Variants in ZHX3 observed in about 807,000 individuals in gnomAD.
ZHX3 encodes the protein zinc fingers and homeoboxes protein 3.
ZHX3 carries 20 observed loss-of-function variants against 64.5 expected under a neutral mutation model. The ratio of observed to expected loss-of-function variants is 0.31; its 90% CI spans 0.22 to 0.45. The LOEUF is 0.45. Among genes scored for constraint, ZHX3 ranks in the 20% least tolerant of loss-of-function variants. ZHX3 has a pLI of 1.00. For synonymous variants in ZHX3, 423 were observed against 461.6 expected (o/e 0.92, Z 1.07); for missense variants, 1,041 against 1,195.8 (o/e 0.87, Z 1.91).
chr20:41,190,152 A>T (rs769328872), intron 3 of ZHX3, among the ~76,000 whole-genome samples: 1 of 152,070 alleles, frequency 6.6e-6, no homozygotes, highest in Non-Finnish European at 1.5e-5. Flanking sequence ...TTGCATTATA[A>T]TTTTTTGAGA....
In ZHX3 at chr20:41,203,888, A is replaced by G. The variant is rs1436129626; in HGVS notation, c.1029T>C (p.Tyr343=). ...ELCYLTVVTK[Y]PEEQLKIWFT... is the part of the protein sequence containing the mutation. The stretch of plus-strand genomic sequence containing the variant: ...ACCAGATCTTGAGCTGTTCTTCTGG[A>G]TACTTGGTCACCACAGTCAAATAGC... The change falls in exon 3 of 4, where the codon TAT becomes TAC. Residue 343 remains tyrosine (Y), a synonymous_variant. Coordinates refer to ENST00000683867, the MANE Select transcript of ZHX3 (RefSeq NM_001384317.1). This position sits in a 1 kb window ranked among gnomAD's most constrained non-coding sequence, Gnocchi z 7.1. The G allele has an allele frequency of 6.2e-7, 1 of 1,614,194 alleles. No individual in the cohort carries two copies. The highest frequency in any genetic ancestry group is 2.2e-5 in the East Asian group (1 of 44,890).
intron 2 of ZHX3, among the ~76,000 whole-genome samples, chr20:41,211,411 G>A (rs993705324): frequency 1.3e-5 from 2 of 151,994 alleles, no homozygotes; most frequent in African/African-American, 4.8e-5. Context: ...GAAGGTGAGG[G>A]TAAACATAAA....
intron 1 of ZHX3, among the ~76,000 whole-genome samples, chr20:41,275,116 C>A (rs2043317736): frequency 6.6e-6 from 1 of 152,058 alleles, no homozygotes. Flanking sequence ...TCAGATTGTG[C>A]CATTGCACTC....
chr20:41,243,129 G>A (rs1441892767), intron 2 of ZHX3, among the ~76,000 whole-genome samples: 1 of 152,178 alleles, frequency 6.6e-6, no homozygotes, highest in Non-Finnish European at 1.5e-5. Context: ...AAGAGAGGGA[G>A]AAATACTTCC....
At chr20:41,243,981 G>A (rs565002256) in intron 2 of ZHX3, among the ~76,000 whole-genome samples, 2 of 152,094 alleles carry the variant, frequency 1.3e-5, no homozygotes, top group African/African-American at 2.4e-5. Context: ...TAAGGGATTC[G>A]TGGACCACCT....
At chr20:41,188,782 G>A (rs572189145) in intron 3 of ZHX3, among the ~76,000 whole-genome samples, 5 of 152,136 alleles carry the variant, frequency 3.3e-5, no homozygotes, top group East Asian at 3.9e-4. Context: ...GAATAGTTTT[G>A]CAAATATTTT....
chr20:41,230,388 C>T (rs568614534), intron 2 of ZHX3, among the ~76,000 whole-genome samples: 120 of 152,020 alleles, frequency 7.9e-4, no homozygotes, highest in Non-Finnish European at 9.7e-4. Flanking sequence ...CATTATAGTA[C>T]TTAGGGAGCA....
At position 41,204,097 on chromosome 20, in the gene ZHX3, G is replaced by A. The variant is rs773925985; in HGVS notation, c.820C>T (p.Leu274Phe). Residue 274 changes from leucine (L) to phenylalanine (F), a missense_variant, in exon 3 of 4, where the codon CTC (leucine) becomes TTC (phenylalanine). Leu to Phe is a conservative substitution (Grantham distance 22). Around this residue, in one of 4 missense-constraint regions of ZHX3, gnomAD observed 358 missense variants for 369.1 expected, o/e 0.97. Transcript: ENST00000683867. This position sits in a 1 kb window ranked among gnomAD's most constrained non-coding sequence, Gnocchi z 6.6. Reference sequence around the variant, plus strand: ...GCATGCACTGGGGGCTGCTGCTGGAGGGAGAGGAACTGTGCTATGCCAGCT... The same window carrying A: ...GCATGCACTGGGGGCTGCTGCTGGAAGGAGAGGAACTGTGCTATGCCAGCT... ...LPAGIAQFLS[L>F]QQQPPVHAQH... 1.2e-6 allele frequency: 2 copies of A among 1,608,218 alleles called. No individual in the cohort carries two copies. The highest frequency in any genetic ancestry group is 1.7e-5 in the Admixed American group (1 of 59,732).
chr20:41,256,936 C>T (rs904995860), intron 2 of ZHX3, among the ~76,000 whole-genome samples: 2 of 152,048 alleles, frequency 1.3e-5, no homozygotes, highest in African/African-American at 4.8e-5. Flanking sequence ...TCAGCCCCCT[C>T]CCACCTTTTG....
At chr20:41,297,335 A>T (rs893961724) in intron 1 of ZHX3, among the ~76,000 whole-genome samples, 2 of 152,202 alleles carry the variant, frequency 1.3e-5, no homozygotes, top group East Asian at 1.9e-4. Flanking sequence ...GAATAACATC[A>T]GCTTCTAAAC....
At position 41,200,086 on chromosome 20, in the gene ZHX3, G is replaced by A. The variant is rs1010212387; in HGVS notation, c.2860+1971C>T. On this transcript the variant is annotated intron_variant, in intron 3 of 3. Transcript: ENST00000683867. The surrounding 1 kb of genome is among the most constrained non-coding windows in gnomAD (Gnocchi z 4.2). ...CCAGGAACATTTTCCACAGTTGCCT[G>A]CTGCAGAGCTTGCGGATGCTGAAAC... is the stretch of plus-strand genomic sequence containing the variant. 6.7e-6 allele frequency among the ~76,000 whole-genome samples: 1 copy of A among 150,200 alleles called. No homozygotes were observed. The highest frequency in any genetic ancestry group is 2.5e-5 in the African/African-American group (1 of 40,162).
At chr20:41,291,416 G>T (rs1160683899) in intron 1 of ZHX3, among the ~76,000 whole-genome samples, 1 of 152,174 alleles carries the variant, frequency 6.6e-6, no homozygotes, top group African/African-American at 2.4e-5. Flanking sequence ...GTTAGTACAG[G>T]ATTGGAAAGG....
At chr20:41,270,019 T>C (rs912808846) in intron 1 of ZHX3, among the ~76,000 whole-genome samples, 2 of 152,188 alleles carry the variant, frequency 1.3e-5, no homozygotes, top group African/African-American at 4.8e-5. Context: ...ATCCAATCCT[T>C]ACAATGATGC....
In ZHX3 at chr20:41,304,573, A is replaced by T. The variant is rs372494273; in HGVS notation, c.-245+12936T>A. On this transcript the variant is annotated intron_variant, in intron 1 of 3. Coordinates refer to ENST00000683867, the MANE Select transcript of ZHX3 (RefSeq NM_001384317.1). Reference sequence around the variant, plus strand: ...AATAGAACCAATATGAAACAACTATATATATGTGTGTGTGAATGGATATCT... The same window carrying T: ...AATAGAACCAATATGAAACAACTATTTATATGTGTGTGTGAATGGATATCT... 2.6e-5 allele frequency among the ~76,000 whole-genome samples: 4 copies of T among 152,348 alleles called. No individual in the cohort carries two copies. The East Asian group carries it at 5.8e-4, about 22-fold the overall frequency.
At position 41,201,465 on chromosome 20, in the gene ZHX3, A is replaced by G; in HGVS notation, c.2860+592T>C. 8.7e-7 allele frequency: 1 copy of G among 1,145,026 alleles called. No homozygotes were observed. Among genetic ancestry groups the G allele is most frequent in the Non-Finnish European group, 1.2e-6 (1 of 851,072 alleles). The allele number at this position is 1,145,026 out of a possible 1,614,324, so 70.9% of individuals were successfully genotyped here. A position where few individuals can be genotyped will look rare whatever the true frequency, so the allele number is the denominator to read the frequency against. ...AAATAAAAATAATCTTCTATGATAC[A>G]TTTTGCTTTCGAGTACAATCCAGAG... On this transcript the variant is annotated intron_variant, in intron 3 of 3. Transcript: ENST00000683867. The surrounding 1 kb of genome is among the most constrained non-coding windows in gnomAD (Gnocchi z 5.0).
chr20:41,271,357 T>C (rs2043140950), intron 1 of ZHX3, among the ~76,000 whole-genome samples: 1 of 152,200 alleles, frequency 6.6e-6, no homozygotes, highest in Non-Finnish European at 1.5e-5. Flanking sequence ...GCATGATAGA[T>C]ATTTTCCTAT....
chr20:41,288,722 A>G (rs1157484037), intron 1 of ZHX3, among the ~76,000 whole-genome samples: 3 of 152,156 alleles, frequency 2.0e-5, no homozygotes, highest in African/African-American at 7.2e-5. Flanking sequence ...CCTTTATATT[A>G]TATGTCTATG....
intron 2 of ZHX3, among the ~76,000 whole-genome samples, chr20:41,247,606 C>T (rs1210664032): frequency 6.6e-6 from 1 of 152,060 alleles, no homozygotes; most frequent in East Asian, 1.9e-4. Flanking sequence ...TGCCTCCTTC[C>T]TCTTCCCCTC....
chr20:41,196,340 T>C (rs1283035567), intron 3 of ZHX3, among the ~76,000 whole-genome samples: 1 of 106,514 alleles, frequency 9.4e-6, no homozygotes, highest in Non-Finnish European at 1.8e-5. Flanking sequence ...TTTTATTTCA[T>C]ATATAAATAT....
Sources: allele counts gnomAD v4.1 joint callset (sites outside exome capture counted in the v4.1 genomes callset), GRCh38; gene constraint gnomAD v4.1.1; regional missense constraint gnomAD v4.1.1; non-coding constraint Gnocchi (gnomAD v3.1); transcripts MANE v1.5; gene names NCBI Gene and HGNC (gene_info 2026-07-23, HGNC 2026-07-21).